TMUB2: variants seen among roughly 807,000 people sequenced by gnomAD.
TMUB2 encodes the protein transmembrane and ubiquitin like domain containing 2.
A neutral mutation model predicts 20.2 loss-of-function variants in TMUB2; 19 were observed. That is an observed-to-expected ratio of 0.94 (90% CI 0.66 to 1.38). The LOEUF (loss-of-function observed/expected upper bound fraction) is 1.38, where lower values mean the gene tolerates loss of function less well. TMUB2 is among the 40% of genes most tolerant of loss of function. The pLI, the probability that TMUB2 is intolerant of heterozygous loss-of-function variation, is 0.00. For synonymous variants in TMUB2, 186 were observed against 166.0 expected (o/e 1.12, Z -0.92); for missense variants, 426 against 402.5 (o/e 1.06, Z -0.50).
At position 44,190,912 on chromosome 17, in the gene TMUB2, C is replaced by T. The variant is rs199605547; in HGVS notation, c.*48C>T. Reference sequence around the variant, plus strand: ...GCATGGTCTTTCTCCTTTACGGCCTCCCCACTTTTCCTGGCCAGAGCTGGG... The same window carrying T: ...GCATGGTCTTTCTCCTTTACGGCCTTCCCACTTTTCCTGGCCAGAGCTGGG... On this transcript the variant is annotated 3_prime_UTR_variant, in exon 4 of 4. Transcript: ENST00000538716. The T allele has an allele frequency of 1.9e-6, 3 of 1,541,186 alleles. No individual in the cohort carries two copies. The highest frequency in any genetic ancestry group is 2.6e-6 in the Non-Finnish European group (3 of 1,145,828).
In TMUB2 at chr17:44,189,809, G is replaced by A. The variant is rs1164957275; in HGVS notation, c.602+221G>A. The A allele has an allele frequency of 2.0e-5, 9 of 456,374 alleles. No individual in the cohort carries two copies. In the Admixed American group the frequency reaches 3.5e-4, roughly 18 times the overall value. 28.3% of individuals were successfully genotyped at this position (456,374 alleles called of 1,614,324 possible). A position where few individuals can be genotyped will look rare whatever the true frequency, so the allele number is the denominator to read the frequency against. ...GGGTGCATCACGAGGTTAGGAGTTC[G>A]AGACCAGCCTGACCAACATGGTGAA... On this transcript the variant is annotated intron_variant, in intron 3 of 3. Transcript: ENST00000538716.
rs774416311 is a variant in TMUB2, at chr17:44,190,560, A to C, written c.662A>C (p.Gln221Pro). ...MKLIYQGRLL[Q>P]DPARTLRSLN... The stretch of plus-strand genomic sequence containing the variant: ...CTGATCTACCAGGGCCGCCTGCTAC[A>C]AGACCCAGCCCGCACACTGCGTTCT... Residue 221 changes from glutamine to proline, a missense_variant, in exon 4 of 4, where the codon CAA becomes CCA. Transcript: ENST00000538716. The C allele has an allele frequency of 6.2e-7, 1 of 1,613,864 alleles. No individual in the cohort carries two copies. The highest frequency in any genetic ancestry group is 1.3e-5 in the African/African-American group (1 of 74,908).
Position 44,190,552 on chromosome 17 carries a change from C to A in TMUB2, c.654C>A (p.Arg218=), listed in dbSNP as rs1354810512. 6.2e-7 allele frequency: 1 copy of A among 1,613,658 alleles called. No individual in the cohort carries two copies. Among genetic ancestry groups the A allele is most frequent in the South Asian group, 1.1e-5 (1 of 91,032 alleles). The change falls in exon 4 of 4, where the codon CGC becomes CGA. Residue 218 remains arginine (R), a synonymous_variant. Coordinates refer to ENST00000538716, the MANE Select transcript of TMUB2 (RefSeq NM_001076674.3). ...AGATGAAACTGATCTACCAGGGCCG[C>A]CTGCTACAAGACCCAGCCCGCACAC... is the stretch of plus-strand genomic sequence containing the variant. The part of the protein sequence containing the change: ...ESQMKLIYQG[R]LLQDPARTLR...
At chr17:44,188,106 C>A (rs746549267) in intron 2 of TMUB2, 2 of 231,074 alleles carry the variant, frequency 8.7e-6, no homozygotes, top group Non-Finnish European at 1.7e-5. Flanking sequence ...GTGAAAGCAG[C>A]AGATTCTCCA....
At position 44,191,800 on chromosome 17, in the gene TMUB2, G is replaced by A. The variant is rs533730347; in HGVS notation, c.*936G>A. ...AAATGGTAATGAGAGTAGGTAGGCC[G>A]GGGCTACCAACGGGAGATGCAGTTT... On this transcript the variant is annotated 3_prime_UTR_variant, in exon 4 of 4. Transcript: ENST00000538716. 22 of 922,614 alleles carry A rather than the reference G, an allele frequency of 2.4e-5. No individual in the cohort carries two copies. The highest frequency in any genetic ancestry group is 1.3e-4 in the African/African-American group (7 of 55,860). The allele number at this position is 922,614 out of a possible 1,614,324, so 57.2% of individuals were successfully genotyped here. A position where few individuals can be genotyped will look rare whatever the true frequency, so the allele number is the denominator to read the frequency against.
chr17:44,187,412 C>T (rs1252990059), intron 1 of TMUB2: 3 of 445,222 alleles, frequency 6.7e-6, no homozygotes, highest in Non-Finnish European at 1.2e-5. Flanking sequence ...TGCGGGACCC[C>T]TCCTCACCGT....
chr17:44,187,977 T>C (rs2054721755), intron 2 of TMUB2: 2 of 551,816 alleles, frequency 3.6e-6, no homozygotes, highest in Admixed American at 6.4e-5. Flanking sequence ...ATACGATCCT[T>C]GTCTACCAGG....
Position 44,191,435 on chromosome 17 carries a change from T to A in TMUB2, c.*571T>A. ...AGCAGGAATAGGGTGTCCTCCCTTC[T>A]TTCAAAGCACTTTGCTTGCATTTTA... On this transcript the variant is annotated 3_prime_UTR_variant, in exon 4 of 4. Transcript: ENST00000538716. 1 of 986,106 alleles carries A rather than the reference T, an allele frequency of 1.0e-6. No homozygotes were observed. Among genetic ancestry groups the A allele is most frequent in the Non-Finnish European group, 1.2e-6 (1 of 830,106 alleles). The allele number at this position is 986,106 out of a possible 1,614,324, so 61.1% of individuals were successfully genotyped here.
chr17:44,189,179 C>T lies in TMUB2; in HGVS notation c.193C>T (p.Gln65Ter). The T allele has an allele frequency of 1.2e-6, 2 of 1,614,140 alleles. No homozygotes were observed. The highest frequency in any genetic ancestry group is 1.7e-6 in the Non-Finnish European group (2 of 1,180,028). Residue 65 changes from glutamine to a stop codon, truncating the protein, a stop_gained, in exon 3 of 4, where the codon CAG becomes TAG. Coordinates refer to ENST00000538716, the MANE Select transcript of TMUB2 (RefSeq NM_001076674.3). LOFTEE classifies it high-confidence loss of function. ...CTACGTAGCAGACAGCGGTAGCAAC[C>T]AGCTCCTGGGCGCTATTGTGTCAGC... ...STYVADSGSNQLLGAIVSAGD... is the reference protein window; with the variant it reads ...STYVADSGSN
chr17:44,188,832 G>T, intron 2 of TMUB2, 190 bp from the exon 3 acceptor site: 1 of 939,774 alleles, frequency 1.1e-6, no homozygotes, highest in Non-Finnish European at 1.5e-6. Context: ...CACAATAGAG[G>T]CAAAGGGTAG....
In TMUB2 at chr17:44,187,614, CAG is replaced by C. The variant is rs560285429; in HGVS notation, c.-33-61_-33-60del. 382 of 708,790 alleles carry C rather than the reference CAG, an allele frequency of 5.4e-4. 4 individuals carry two copies. In the African/African-American group the frequency reaches 6.2e-3, roughly 11 times the overall value. 43.9% of individuals were successfully genotyped at this position (708,790 alleles called of 1,614,324 possible). On this transcript the variant is annotated intron_variant, in intron 1 of 3. Transcript: ENST00000538716. Reference sequence around the variant, plus strand: ...TTAATAACATTAACCTTCTTACCATCAGGGGTTAGTTGTGGTTGTGATAAATA... The same window carrying C: ...TTAATAACATTAACCTTCTTACCATCGGGTTAGTTGTGGTTGTGATAAATA...
In TMUB2 at chr17:44,189,388, T is replaced by C. The variant is rs746556096; in HGVS notation, c.402T>C (p.Leu134=). The C allele has an allele frequency of 6.2e-7, 1 of 1,613,352 alleles. No homozygotes were observed. The highest frequency in any genetic ancestry group is 8.5e-7 in the Non-Finnish European group (1 of 1,179,612). ...CTGGGGGTGGTGTTGAGCCCAGCCT[T>C]GAGCATCTCCTTGACATCCAAGGCC... ...AGAGGGVEPS[L]EHLLDIQGLP... is the part of the protein sequence containing the mutation. The change falls in exon 3 of 4, where the codon CTT becomes CTC. Residue 134 remains leucine (L), a synonymous_variant. Transcript: ENST00000538716.
At chr17:44,190,395 A>G (rs996313410) in intron 3 of TMUB2, 106 bp from the exon 4 acceptor site, 15 of 1,239,838 alleles carry the variant, frequency 1.2e-5, no homozygotes, top group Middle Eastern at 5.1e-4. Flanking sequence ...GGAAAAAAAA[A>G]TCCACCCTCC....
At chr17:44,190,178 C>G (rs1290970628) in intron 3 of TMUB2, 6 of 218,052 alleles carry the variant, frequency 2.8e-5, no homozygotes, top group Non-Finnish European at 4.5e-5. Context: ...AACCCTGTCT[C>G]TACTAAAAAA....
At chr17:44,188,915 T>TC in intron 2 of TMUB2, 107 bp from the exon 3 acceptor site, 1 of 1,439,926 alleles carries the variant, frequency 6.9e-7, no homozygotes, top group South Asian at 1.5e-5. Context: ...AACACTGAAC[T>TC]CCTTTTTTTT....
chr17:44,189,531 A>G lies in TMUB2; in HGVS notation c.545A>G (p.Asn182Ser), dbSNP rs145889254. The G allele has an allele frequency of 7.4e-5, 120 of 1,613,336 alleles. No homozygotes were observed. Among genetic ancestry groups the G allele is most frequent in the African/African-American group, 1.6e-4 (12 of 74,980 alleles). Residue 182 changes from asparagine to serine, a missense_variant, in exon 3 of 4, where the codon AAT (asparagine) becomes AGT (serine). Physicochemically the swap from Asn to Ser is conservative, Grantham distance 46. Coordinates refer to ENST00000538716, the MANE Select transcript of TMUB2 (RefSeq NM_001076674.3). ...ATCACTGTGCGGCTCAAATTCCTCAATGATACCGAGGAGCTGGCTGTGGCT... is the reference window on the plus strand; with the variant it reads ...ATCACTGTGCGGCTCAAATTCCTCAGTGATACCGAGGAGCTGGCTGTGGCT... ...GLITVRLKFL[N>S]DTEELAVARP...
intron 2 of TMUB2, among the ~76,000 whole-genome samples, chr17:44,188,404 G>C (rs576493390): frequency 6.6e-6 from 1 of 152,116 alleles, no homozygotes. Context: ...ATCTGCCCGC[G>C]GTCCCTACAG....
In TMUB2 at chr17:44,189,030, C is replaced by T. The variant is rs2054925207; in HGVS notation, c.44C>T (p.Pro15Leu). The change falls in exon 3 of 4, where the codon CCT (proline) becomes CTT (leucine). Residue 15 changes from proline to leucine, a missense_variant. Physicochemically the swap from Pro to Leu is moderately conservative, Grantham distance 98. Transcript: ENST00000538716. ...CCCCTTTGTTCCTGCAGCGTGGACC[C>T]TGCCAGCAGCCAGGCCATGGAGCTC... Reference protein sequence around the residue: ...HLQNNLMSVDPASSQAMELSD... With the variant: ...HLQNNLMSVDLASSQAMELSD... 6.2e-7 allele frequency: 1 copy of T among 1,612,820 alleles called. No individual in the cohort carries two copies. Among genetic ancestry groups the T allele is most frequent in the Non-Finnish European group, 8.5e-7 (1 of 1,179,374 alleles).
intron 2 of TMUB2, 147 bp downstream of exon 2, chr17:44,187,890 G>A: frequency 4.5e-6 from 3 of 667,654 alleles, no homozygotes; most frequent in Non-Finnish European, 8.4e-6. Flanking sequence ...AAATAAGGAT[G>A]TTGATGTGTT....
Sources: gnomAD v4.1 joint callset for allele counts (sites outside exome capture counted in the v4.1 genomes callset) on GRCh38, gnomAD v4.1.1 for gene constraint, MANE v1.5 for transcripts, NCBI Gene and HGNC (gene_info 2026-07-23, HGNC 2026-07-21) for gene names.